TENM2: variants seen among roughly 807,000 people sequenced by gnomAD.
The protein encoded by TENM2 is teneurin-2.
In TENM2, 52 loss-of-function variants were observed where a neutral mutation model predicts 245.2. The observed-to-expected ratio is 0.21, with a 90% CI of 0.17 to 0.27. The LOEUF (loss-of-function observed/expected upper bound fraction) is 0.27, where lower values mean the gene tolerates loss of function less well. TENM2 is among the 10% of genes least tolerant of loss of function. TENM2 has a pLI of 1.00. For synonymous variants in TENM2, 1,363 were observed against 1,438.9 expected (o/e 0.95, Z 1.19); for missense variants, 3,046 against 3,666.8 (o/e 0.83, Z 4.37).
chr5:167,445,649 C>T (rs1044038796), intron 2 of TENM2, among the ~76,000 whole-genome samples: 11 of 152,092 alleles, frequency 7.2e-5, no homozygotes, highest in Non-Finnish European at 7.4e-5. Context: ...TGAGTCACAA[C>T]CCTAGAATAT....
intron 2 of TENM2, among the ~76,000 whole-genome samples, chr5:167,866,534 G>C (rs935660039): frequency 5.1e-4 from 77 of 151,478 alleles, no homozygotes; most frequent in Non-Finnish European, 5.7e-4. Flanking sequence ...CCAACAAAGA[G>C]AGAGCACCTT....
intron 13 of TENM2, among the ~76,000 whole-genome samples, chr5:168,178,287 C>T (rs761070496): frequency 2.6e-5 from 4 of 152,208 alleles, no homozygotes; most frequent in Non-Finnish European, 4.4e-5. Flanking sequence ...TTCTGTGTGA[C>T]CTGTCAGTGG....
At position 168,105,290 on chromosome 5, in the gene TENM2, G is replaced by C. The variant is rs374774237; in HGVS notation, c.1813+7163G>C. Reference sequence around the variant, plus strand: ...TGTAGGACCAGCTCCAAGGGATTGGGTTCAGCCAGGCAGGTGGGAGCTGAG... The same window carrying C: ...TGTAGGACCAGCTCCAAGGGATTGGCTTCAGCCAGGCAGGTGGGAGCTGAG... On this transcript the variant is annotated intron_variant, in intron 9 of 28. Transcript: ENST00000518659. 5.0e-4 allele frequency among the ~76,000 whole-genome samples: 76 copies of C among 152,276 alleles called. 1 individual carries two copies. Among genetic ancestry groups the C allele is most frequent in the African/African-American group, 1.7e-3 (69 of 41,554 alleles).
At chr5:167,285,358 A>T (rs1173368371) in intron 1 of TENM2, among the ~76,000 whole-genome samples, 1 of 152,142 alleles carries the variant, frequency 6.6e-6, no homozygotes, top group Non-Finnish European at 1.5e-5. Context: ...CAAATGGTGT[A>T]TCTTGGTTAA....
intron 2 of TENM2, among the ~76,000 whole-genome samples, chr5:167,614,256 C>T (rs558006192): frequency 2.6e-5 from 4 of 152,234 alleles, no homozygotes; most frequent in East Asian, 1.9e-4. Flanking sequence ...TGTATGAACA[C>T]GGTAACGGAA....
At chr5:167,218,349 C>T in the TENM2 span, among the ~76,000 whole-genome samples, 4 of 151,946 alleles carry the variant, frequency 2.6e-5, no homozygotes, top group African/African-American at 7.3e-5. Flanking sequence ...TTTATGAGAG[C>T]GGGAATTTTT....
At chr5:167,414,100 A>G (rs542887669) in intron 2 of TENM2, among the ~76,000 whole-genome samples, 1 of 152,274 alleles carries the variant, frequency 6.6e-6, no homozygotes, top group South Asian at 2.1e-4. Flanking sequence ...TTGTTTCTCA[A>G]AATAACTGTA....
At chr5:168,181,063 A>G (rs973739017) in intron 13 of TENM2, among the ~76,000 whole-genome samples, 2 of 152,242 alleles carry the variant, frequency 1.3e-5, no homozygotes, top group Non-Finnish European at 2.9e-5. Context: ...TACGGTGCTC[A>G]GAGCAACAAC....
chr5:167,586,003 T>G (rs1775464207), intron 2 of TENM2, among the ~76,000 whole-genome samples: 1 of 152,044 alleles, frequency 6.6e-6, no homozygotes, highest in Admixed American at 6.6e-5. Flanking sequence ...CATACACCTG[T>G]AGTCCCAGTA....
intron 3 of TENM2, among the ~76,000 whole-genome samples, chr5:167,941,958 A>G (rs1303977712): frequency 6.6e-6 from 1 of 152,186 alleles, no homozygotes; most frequent in Non-Finnish European, 1.5e-5. Context: ...CTGTAATCCC[A>G]GCACTTTGGG....
At chr5:168,033,747 C>T (rs115074371) in intron 5 of TENM2, among the ~76,000 whole-genome samples, 1,802 of 152,202 alleles carry the variant, frequency 0.012, 13 homozygotes, top group Non-Finnish European at 0.019. Context: ...GGAGGTCAGG[C>T]ATGGTAGCTG....
intron 2 of TENM2, among the ~76,000 whole-genome samples, chr5:167,560,000 C>T (rs1411084517): frequency 1.3e-5 from 2 of 152,032 alleles, no homozygotes; most frequent in African/African-American, 4.8e-5. Flanking sequence ...ACCCCTCCCA[C>T]TCTGTGGCGA....
chr5:167,353,099 A>G (rs1042543681), intron 1 of TENM2, among the ~76,000 whole-genome samples: 4 of 152,212 alleles, frequency 2.6e-5, no homozygotes, highest in African/African-American at 9.7e-5. Context: ...GCGCAGAAAC[A>G]TGAGGGAGGC....
intron 2 of TENM2, among the ~76,000 whole-genome samples, chr5:167,397,740 A>G (rs1762137117): frequency 6.6e-6 from 1 of 152,168 alleles, no homozygotes; most frequent in Non-Finnish European, 1.5e-5. Context: ...GGTATCTGCA[A>G]TTTGAAGATA....
At chr5:167,094,566 A>C in the TENM2 span, among the ~76,000 whole-genome samples, 2 of 152,206 alleles carry the variant, frequency 1.3e-5, no homozygotes, top group Non-Finnish European at 2.9e-5. Flanking sequence ...GTCTAAATCT[A>C]TCACTAATTT....
chr5:167,244,271 C>A, the TENM2 span, among the ~76,000 whole-genome samples: 3 of 152,066 alleles, frequency 2.0e-5, no homozygotes, highest in African/African-American at 7.2e-5. Context: ...TAATAACTAT[C>A]ATAATAGTGA....
chr5:167,358,838 CACACACA>C (rs1470245179), intron 1 of TENM2, among the ~76,000 whole-genome samples: 2 of 124,108 alleles, frequency 1.6e-5, no homozygotes, highest in African/African-American at 5.9e-5. Flanking sequence ...CACACACACA[CACACACA>C]CACACACCCT....
chr5:167,314,398 G>C (rs1392973963), intron 1 of TENM2, among the ~76,000 whole-genome samples: 1 of 152,064 alleles, frequency 6.6e-6, no homozygotes, highest in African/African-American at 2.4e-5. Context: ...AGTTAATGAA[G>C]AGTTATTATT....
intron 2 of TENM2, among the ~76,000 whole-genome samples, chr5:167,811,989 G>C (rs1046956780): frequency 6.6e-6 from 1 of 152,168 alleles, no homozygotes; most frequent in Non-Finnish European, 1.5e-5. Context: ...CGTCATTTCA[G>C]CTGGGGAAGG....
Sources: allele counts gnomAD v4.1 joint callset (sites outside exome capture counted in the v4.1 genomes callset), GRCh38; gene constraint gnomAD v4.1.1; transcripts MANE v1.5; gene names NCBI Gene and HGNC (gene_info 2026-07-23, HGNC 2026-07-21).